The following BCLAF3 variants were observed in gnomAD, a reference collection of about 807,000 sequenced individuals.
The protein encoded by BCLAF3 is BCLAF1 and THRAP3 family member 3.
Under a neutral mutation model 51.2 loss-of-function variants are expected in BCLAF3, and 24 were observed. The ratio of observed to expected loss-of-function variants is 0.47; its 90% confidence interval spans 0.34 to 0.66. The LOEUF is 0.66. Among genes scored for constraint, BCLAF3 ranks in the 30% least tolerant of loss-of-function variants. The pLI, the probability that BCLAF3 is intolerant of heterozygous loss-of-function variation, is 0.01. For synonymous variants in BCLAF3, 152 were observed against 176.6 expected (o/e 0.86, Z 1.10); for missense variants, 465 against 525.1 (o/e 0.89, Z 1.12).
At chrX:19,927,665 C>T (rs755685937) in intron 11 of BCLAF3, among the ~76,000 whole-genome samples, 11 of 109,153 alleles carry the variant, frequency 1.0e-4, no homozygotes, top group African/African-American at 3.7e-4. Flanking sequence ...TCGTTTTTTT[C>T]TCTTCCTGTT....
At chrX:19,956,505 G>C (rs778608739) in intron 4 of BCLAF3, among the ~76,000 whole-genome samples, 1 of 111,832 alleles carries the variant, frequency 8.9e-6, no homozygotes. Context: ...TCCAAGTGTT[G>C]TAATGGAAAA....
intron 4 of BCLAF3, among the ~76,000 whole-genome samples, chrX:19,961,256 C>A (rs1018833048): frequency 7.1e-5 from 8 of 112,652 alleles, no homozygotes; most frequent in African/African-American, 2.6e-4. Flanking sequence ...AATTATGACT[C>A]AGATGTAATT....
At position 19,965,067 on chromosome X, in the gene BCLAF3, C is replaced by A; in HGVS notation, c.1251G>T (p.Val417=). 1 of 1,170,551 alleles carries A rather than the reference C, an allele frequency of 8.5e-7. No individual in the cohort carries two copies. Among genetic ancestry groups the A allele is most frequent in the Non-Finnish European group, 1.1e-6 (1 of 879,756 alleles). The change falls in exon 4 of 12, where the codon GTG becomes GTT. Residue 417 remains valine, a synonymous_variant. Transcript: ENST00000379682. ...ACCTGAATGTATCTACTGTTTTCTT[C>A]ACATCTACTTTAACTGTAAGTGATT... ...RKKSLTVKVD[V]KKTVDTFRVA... is the part of the protein sequence containing the mutation.
At chrX:19,935,602 TAAA>T in intron 10 of BCLAF3, 3 of 315,487 alleles carry the variant, frequency 9.5e-6, no homozygotes, top group Admixed American at 1.0e-4. Context: ...AATCTACTGG[TAAA>T]AAAAAAAAAA....
intron 8 of BCLAF3, among the ~76,000 whole-genome samples, chrX:19,949,406 C>T (rs2071406117): frequency 8.9e-6 from 1 of 112,262 alleles, no homozygotes; most frequent in African/African-American, 3.2e-5. Flanking sequence ...GGTAAAGATA[C>T]ATCCTAAAGC....
chrX:19,975,880 A>G (rs757445924), intron 1 of BCLAF3, among the ~76,000 whole-genome samples: 5 of 111,351 alleles, frequency 4.5e-5, no homozygotes, highest in African/African-American at 6.5e-5. Context: ...TCCTACCTCT[A>G]TAACAATTCC....
At chrX:19,969,029 C>T (rs1219247494) in intron 2 of BCLAF3, among the ~76,000 whole-genome samples, 2 of 111,960 alleles carry the variant, frequency 1.8e-5, no homozygotes, top group African/African-American at 6.5e-5. Context: ...AGGAGAATGG[C>T]GTGAACCCGG....
intron 2 of BCLAF3, among the ~76,000 whole-genome samples, chrX:19,968,635 G>A (rs1251124710): frequency 8.9e-6 from 1 of 112,951 alleles, no homozygotes; most frequent in Non-Finnish European, 1.9e-5. Context: ...GAGTAATAAA[G>A]GCCTTTGTCT....
At chrX:19,920,035 G>C (rs1341912952) in intron 11 of BCLAF3, among the ~76,000 whole-genome samples, 2 of 110,808 alleles carry the variant, frequency 1.8e-5, no homozygotes, top group African/African-American at 6.6e-5. Context: ...TAAATAAGAT[G>C]GTTTACGCTG....
At chrX:19,989,378 C>T (rs976458862) in intron 1 of BCLAF3, among the ~76,000 whole-genome samples, 2 of 111,164 alleles carry the variant, frequency 1.8e-5, no homozygotes, top group African/African-American at 3.3e-5. Context: ...CGCCTGTAGT[C>T]CCAGCTACTC....
At chrX:19,936,042 C>T (rs1912082659) in intron 9 of BCLAF3, 144 bp from the exon 10 acceptor site, 1 of 469,026 alleles carries the variant, frequency 2.1e-6, no homozygotes, top group Non-Finnish European at 3.7e-6. Context: ...AGAGCACATA[C>T]ACATCTCCTC....
chrX:19,955,706 A>G (rs1401349080), intron 4 of BCLAF3, 140 bp from the exon 5 acceptor site: 1 of 438,161 alleles, frequency 2.3e-6, no homozygotes, highest in Non-Finnish European at 3.6e-6. Context: ...ATGCCATAAA[A>G]CATGTACAAT....
chrX:19,980,982 A>C (rs1455381400), intron 1 of BCLAF3, among the ~76,000 whole-genome samples: 1 of 110,986 alleles, frequency 9.0e-6, no homozygotes, highest in Non-Finnish European at 1.9e-5. Flanking sequence ...TAGAGTTAAA[A>C]AAAGAAAGTA....
rs749152983 is a variant in BCLAF3, at chrX:19,929,849, C to T, written c.2042G>A (p.Arg681Gln). The T allele has an allele frequency of 4.1e-6, 5 of 1,208,874 alleles. No homozygotes were observed. Among genetic ancestry groups the T allele is most frequent in the South Asian group, 1.8e-5 (1 of 56,699 alleles). ...GATAAATCCCCTTGGGCCAGTGAAC[C>T]GTAAACGCTGATACTTAGCCTGAAT... ...LYIQAKYQRL[R>Q]FTGPRGFITH... The change falls in exon 11 of 12, where the codon CGG becomes CAG. Residue 681 changes from arginine to glutamine, a missense_variant. Arg to Gln is a conservative substitution (Grantham distance 43). Transcript: ENST00000379682.
At chrX:19,949,616 T>C (rs2071412825) in intron 8 of BCLAF3, among the ~76,000 whole-genome samples, 1 of 111,960 alleles carries the variant, frequency 8.9e-6, no homozygotes, top group Admixed American at 9.5e-5. Context: ...ACAACATTTT[T>C]ACTCTTTCAT....
chrX:19,922,914 G>A (rs1378711595), intron 11 of BCLAF3, among the ~76,000 whole-genome samples: 2 of 109,982 alleles, frequency 1.8e-5, no homozygotes, highest in Non-Finnish European at 3.8e-5. Context: ...AAAATTATAT[G>A]GAGAAAGTGG....
chrX:19,986,584 G>C (rs2072807601), intron 1 of BCLAF3, among the ~76,000 whole-genome samples: 1 of 111,472 alleles, frequency 9.0e-6, no homozygotes, highest in Non-Finnish European at 1.9e-5. Flanking sequence ...GTTTCAAAAA[G>C]GGAGACTTTC....
chrX:19,932,933 A>G (rs1238409998), intron 10 of BCLAF3, among the ~76,000 whole-genome samples: 2 of 112,439 alleles, frequency 1.8e-5, no homozygotes, highest in Non-Finnish European at 3.7e-5. Context: ...AAAGAAGTCA[A>G]TAAAATTGTT....
intron 7 of BCLAF3, among the ~76,000 whole-genome samples, chrX:19,951,825 G>A (rs772123077): frequency 1.8e-5 from 2 of 110,436 alleles, no homozygotes; most frequent in East Asian, 5.7e-4. Context: ...CTACTCAGGA[G>A]GCTGAGGTGG....
Sources: allele counts gnomAD v4.1 joint callset (sites outside exome capture counted in the v4.1 genomes callset), GRCh38; gene constraint gnomAD v4.1.1; transcripts MANE v1.5; gene names NCBI Gene and HGNC (gene_info 2026-07-23, HGNC 2026-07-21).